Variants in TRAPPC12 observed in about 807,000 individuals in gnomAD.
TRAPPC12 encodes the protein TPR repeat protein 15.
TRAPPC12 carries 61 observed loss-of-function variants against 69.2 expected under a neutral mutation model. That is an observed-to-expected ratio of 0.88 (90% CI 0.72 to 1.09). The LOEUF (loss-of-function observed/expected upper bound fraction) is 1.09, where lower values mean the gene tolerates loss of function less well. TRAPPC12 is among the 50% of genes least tolerant of loss of function. The pLI is 0.00. For missense variants in TRAPPC12, 1,101 were observed against 1,016.4 expected, an observed-to-expected ratio of 1.08 and a Z score of -1.13; for synonymous variants, 469 against 438.9, an observed-to-expected ratio of 1.07 and a Z score of -0.86.
intron 3 of TRAPPC12, 37 bp from the exon 4 acceptor site, chr2:3,421,844 A>G (rs1202898798): frequency 6.3e-7 from 1 of 1,575,384 alleles, no homozygotes; most frequent in Non-Finnish European, 8.7e-7. Flanking sequence ...CATGCCTTGC[A>G]TGTGTGTTTG....
intron 9 of TRAPPC12, chr2:3,467,634 G>A (rs1310717338): frequency 6.6e-6 from 1 of 152,324 alleles, no homozygotes; most frequent in African/African-American, 2.4e-5. Flanking sequence ...GGATGAAGCA[G>A]GCAGGTTTTG....
intron 3 of TRAPPC12, among the ~76,000 whole-genome samples, chr2:3,418,400 C>T (rs557852849): frequency 1.3e-5 from 2 of 152,156 alleles, no homozygotes; most frequent in African/African-American, 2.4e-5. Context: ...AGGTATCAGA[C>T]GCAAGCCACT....
intron 10 of TRAPPC12, among the ~76,000 whole-genome samples, chr2:3,478,483 A>C: frequency 6.6e-6 from 1 of 152,042 alleles, no homozygotes; most frequent in East Asian, 1.9e-4. Flanking sequence ...AAATACAAAA[A>C]ATTAGCCAGG....
At chr2:3,405,155 T>A (rs34743504) in intron 3 of TRAPPC12, among the ~76,000 whole-genome samples, 5,624 of 138,618 alleles carry the variant, frequency 0.041, 146 homozygotes, top group Admixed American at 0.059. Context: ...TATGTAGAAG[T>A]CTCTCTTGAG....
intron 1 of TRAPPC12, among the ~76,000 whole-genome samples, chr2:3,381,680 A>G (rs1480486006): frequency 6.6e-6 from 1 of 152,232 alleles, no homozygotes; most frequent in Non-Finnish European, 1.5e-5. Context: ...CCCGTAACAC[A>G]CATGTGAGAT....
rs543336644 is a variant in TRAPPC12 at position 3,399,507 on chromosome 2, T to C, written c.1048-2270T>C. Among the ~76,000 whole-genome samples the C allele has an allele frequency of 2.0e-5, 3 of 152,306 alleles. No individual in the cohort carries two copies. The South Asian group carries it at 6.2e-4, about 32-fold the overall frequency. ...AAATTATACAACTGCTGCCCCTAGGTCTTTTCCTCAATGTGAGAAAACGTG... is the reference window on the plus strand; with the variant it reads ...AAATTATACAACTGCTGCCCCTAGGCCTTTTCCTCAATGTGAGAAAACGTG... On this transcript the variant is annotated intron_variant, in intron 2 of 11. Transcript: ENST00000324266.
chr2:3,393,588 T>C (rs6755448), intron 2 of TRAPPC12, among the ~76,000 whole-genome samples: 92,589 of 151,648 alleles, frequency 0.61, 28,719 homozygotes, highest in African/African-American at 0.73. Flanking sequence ...ACAATGTCTA[T>C]TTATAACAAA....
chr2:3,462,771 A>T, intron 8 of TRAPPC12: 1 of 397,408 alleles, frequency 2.5e-6, no homozygotes, highest in South Asian at 1.8e-5. Context: ...GACCATATGG[A>T]TGCAGGTGCC....
intron 9 of TRAPPC12, chr2:3,467,348 T>A (rs1211786610): frequency 1.3e-5 from 2 of 152,240 alleles, no homozygotes; most frequent in African/African-American, 2.4e-5. Flanking sequence ...CTGCATCTCT[T>A]GCAAATTATT....
chr2:3,404,999 A>C (rs1490392771), intron 3 of TRAPPC12, among the ~76,000 whole-genome samples: 1 of 152,050 alleles, frequency 6.6e-6, no homozygotes, highest in Non-Finnish European at 1.5e-5. Context: ...ATTTGAAAGG[A>C]ATGAAAATCG....
chr2:3,420,741 C>T (rs780028839), intron 3 of TRAPPC12, among the ~76,000 whole-genome samples: 11 of 152,150 alleles, frequency 7.2e-5, no homozygotes, highest in Non-Finnish European at 1.3e-4. Context: ...CCCTCCTAGG[C>T]GTTTCATGAG....
Position 3,388,750 on chromosome 2 carries a change from G to T in TRAPPC12, c.1047+80G>T, listed in dbSNP as rs181500058. On this transcript the variant is annotated intron_variant, in intron 2 of 11. Transcript: ENST00000324266. ...ATACGCACAGTGCCCCTTTAGGGAT[G>T]GAGAAGGAGAAGGCCTTGTTTTCAG... The T allele has an allele frequency of 3.9e-4, 512 of 1,296,700 alleles. 4 individuals are homozygous for T. The African/African-American group carries it at 6.0e-3, about 15-fold the overall frequency. The allele number at this position is 1,296,700 out of a possible 1,614,324, so 80.3% of individuals were successfully genotyped here.
At chr2:3,413,728 A>G (rs926023920) in intron 3 of TRAPPC12, among the ~76,000 whole-genome samples, 4 of 152,288 alleles carry the variant, frequency 2.6e-5, no homozygotes, top group Admixed American at 1.3e-4. Flanking sequence ...TGTTTGTACT[A>G]TTCCACAGTG....
intron 1 of TRAPPC12, among the ~76,000 whole-genome samples, chr2:3,386,413 C>A (rs1572076094): frequency 6.6e-6 from 1 of 152,120 alleles, no homozygotes; most frequent in East Asian, 1.9e-4. Flanking sequence ...CCTGGTTTCC[C>A]CACTCACTAG....
At position 3,479,235 on chromosome 2, in the gene TRAPPC12, C is replaced by A; in HGVS notation, c.1982C>A (p.Ala661Asp). 1 of 1,613,784 alleles carries A rather than the reference C, an allele frequency of 6.2e-7. No individual in the cohort carries two copies. Among genetic ancestry groups the A allele is most frequent in the Non-Finnish European group, 8.5e-7 (1 of 1,179,738 alleles). Residue 661 changes from alanine to aspartate, a missense_variant, in exon 12 of 12, where the codon GCC (alanine) becomes GAC (aspartate). Physicochemically the swap from Ala to Asp is moderately radical, Grantham distance 126. Transcript: ENST00000324266. ...CCTCCCTAGGCCAACAACAACGCTG[C>A]CGTGTGTCTGCTCTACCTGGGCAAG... is the stretch of plus-strand genomic sequence containing the variant. ...PRNAVANNNA[A>D]VCLLYLGKLK...
intron 5 of TRAPPC12, among the ~76,000 whole-genome samples, chr2:3,429,292 G>C (rs745734447): frequency 1.8e-4 from 27 of 152,184 alleles, no homozygotes; most frequent in Non-Finnish European, 1.5e-5. Flanking sequence ...GTCTAGAATT[G>C]TCATGCAGCT....
At chr2:3,436,441 A>G (rs1663780697) in intron 5 of TRAPPC12, among the ~76,000 whole-genome samples, 1 of 152,124 alleles carries the variant, frequency 6.6e-6, no homozygotes, top group African/African-American at 2.4e-5. Flanking sequence ...TGTAATTTAC[A>G]GAAAAATCGA....
intron 1 of TRAPPC12, among the ~76,000 whole-genome samples, chr2:3,384,288 T>C (rs929441227): frequency 2.1e-4 from 32 of 152,294 alleles, no homozygotes; most frequent in Middle Eastern, 6.8e-3. Context: ...TTCTTTTCAG[T>C]TTTTATTGTA....
intron 3 of TRAPPC12, among the ~76,000 whole-genome samples, chr2:3,404,255 C>T (rs1661606530): frequency 6.6e-6 from 1 of 152,024 alleles, no homozygotes; most frequent in African/African-American, 2.4e-5. Flanking sequence ...TTTTCTAGTC[C>T]CTCTCTTCTG....
Sources: allele counts gnomAD v4.1 joint callset (sites outside exome capture counted in the v4.1 genomes callset), GRCh38; gene constraint gnomAD v4.1.1; transcripts MANE v1.5; gene names NCBI Gene and HGNC (gene_info 2026-07-23, HGNC 2026-07-21).